ABHD18: variants seen among roughly 807,000 people sequenced by gnomAD.
ABHD18 encodes abhydrolase domain containing 18.
ABHD18 carries 55 observed loss-of-function variants against 65.9 expected under a neutral mutation model. The observed-to-expected ratio is 0.84, with a 90% CI of 0.67 to 1.05. ABHD18 has a LOEUF of 1.05. Among genes scored for constraint, ABHD18 ranks in the 50% least tolerant of loss-of-function variants. ABHD18 has a pLI of 0.00. For synonymous variants in ABHD18, 181 were observed against 180.2 expected (o/e 1.00, Z -0.04); for missense variants, 533 against 558.5 (o/e 0.95, Z 0.46).
Position 127,966,702 on chromosome 4 carries a change from C to CAAAAAAAAAAAAA in ABHD18, c.-18+1120_-18+1132dup, listed in dbSNP as rs70966065. On this transcript the variant is annotated intron_variant, in intron 1 of 12. Transcript: ENST00000645843. ...TGAAACCCCGTCTCTACTAAAAATA[C>CAAAAAAAAAAAAA]AAAAAAAAAAAAAAAAAAAAAAAAA... is the stretch of plus-strand genomic sequence containing the variant. Among the ~76,000 whole-genome samples the CAAAAAAAAAAAAA allele has an allele frequency of 3.2e-4, 7 of 21,540 alleles. 3 individuals carry two copies. The highest frequency in any genetic ancestry group is 4.1e-4 in the Non-Finnish European group (5 of 12,288). The allele number at this position is 21,540 out of a possible 152,430, so 14.1% of individuals were successfully genotyped here. A position where few individuals can be genotyped will look rare whatever the true frequency, so the allele number is the denominator to read the frequency against.
intron 7 of ABHD18, 72 bp from the exon 8 acceptor site, chr4:128,017,291 T>C (rs1388479451): frequency 7.8e-6 from 11 of 1,416,400 alleles, no homozygotes; most frequent in Non-Finnish European, 8.8e-6. Context: ...TCTGGCAGCC[T>C]GTTGTAAATT....
intron 4 of ABHD18, among the ~76,000 whole-genome samples, chr4:128,002,688 C>T (rs962601741): frequency 1.4e-4 from 22 of 152,038 alleles, no homozygotes; most frequent in Non-Finnish European, 3.2e-4. Flanking sequence ...CTGTCACCCA[C>T]GCTGGAGTAC....
chr4:128,021,206 G>C lies in ABHD18; in HGVS notation c.769G>C (p.Glu257Gln), dbSNP rs1756442899. The C allele has an allele frequency of 6.5e-7, 1 of 1,547,088 alleles. No homozygotes were observed. Among genetic ancestry groups the C allele is most frequent in the Admixed American group, 2.0e-5 (1 of 50,916 alleles). The change falls in exon 10 of 13, where the codon GAA becomes CAA. Residue 257 changes from glutamate (E) to glutamine (Q), a missense_variant. Glu to Gln is a conservative substitution (Grantham distance 29). This residue lies in a region of ABHD18 where 309 missense variants were observed against 313.5 expected (regional missense o/e 0.99). Transcript: ENST00000645843. Reference sequence around the variant, plus strand: ...ATATTATACCCAGACAGTTTATGAAGAAGAAATTATTCACATGCTTGAATA... The same window carrying C: ...ATATTATACCCAGACAGTTTATGAACAAGAAATTATTCACATGCTTGAATA... ...KQYYTQTVYE[E>Q]EIIHMLEYCG...
intron 12 of ABHD18, among the ~76,000 whole-genome samples, chr4:128,031,852 C>G (rs766217032): frequency 6.6e-6 from 1 of 152,138 alleles, no homozygotes; most frequent in African/African-American, 2.4e-5. Flanking sequence ...ATTTGAGTCC[C>G]TATTGGTGAG....
chr4:128,021,335 A>C (rs1284939446), intron 10 of ABHD18, 97 bp downstream of exon 10: 14 of 699,564 alleles, frequency 2.0e-5, no homozygotes, highest in Non-Finnish European at 2.8e-5. Flanking sequence ...ATTTTTAAAA[A>C]CATAGCTGTA....
chr4:128,034,639 A>G (rs1304037284), intron 12 of ABHD18, among the ~76,000 whole-genome samples: 1 of 151,926 alleles, frequency 6.6e-6, no homozygotes, highest in Non-Finnish European at 1.5e-5. Context: ...AAATTTGTCT[A>G]TTCCTTTTCT....
intron 11 of ABHD18, among the ~76,000 whole-genome samples, chr4:128,030,293 C>G (rs1405035084): frequency 6.6e-6 from 1 of 152,162 alleles, no homozygotes; most frequent in Admixed American, 6.5e-5. Flanking sequence ...CACACCCACA[C>G]AAAAGAAATA....
intron 7 of ABHD18, among the ~76,000 whole-genome samples, chr4:128,012,752 T>C (rs574682691): frequency 1.4e-5 from 2 of 143,686 alleles, no homozygotes; most frequent in African/African-American, 2.6e-5. Flanking sequence ...GAGGGGAGAG[T>C]AGTACAAGAT....
intron 4 of ABHD18, among the ~76,000 whole-genome samples, chr4:128,003,280 A>T (rs1478564846): frequency 3.3e-5 from 5 of 151,796 alleles, no homozygotes; most frequent in African/African-American, 4.8e-5. Flanking sequence ...AGGCAGGAGA[A>T]TCACTTGAAC....
intron 10 of ABHD18, among the ~76,000 whole-genome samples, chr4:128,025,948 A>G (rs1757281794): frequency 6.6e-6 from 1 of 152,118 alleles, no homozygotes; most frequent in African/African-American, 2.4e-5. Context: ...ATGAGGTCAG[A>G]TTGAGACCAT....
intron 10 of ABHD18, among the ~76,000 whole-genome samples, chr4:128,023,060 C>A (rs890112889): frequency 2.6e-5 from 4 of 152,020 alleles, no homozygotes; most frequent in Non-Finnish European, 4.4e-5. Context: ...TGAGCCACCG[C>A]GCCCAGCAAT....
chr4:128,018,859 C>CA (rs1383583304), intron 8 of ABHD18, among the ~76,000 whole-genome samples: 2 of 151,656 alleles, frequency 1.3e-5, no homozygotes, highest in Admixed American at 1.3e-4. Context: ...ACTAAAAATA[C>CA]AAAAACTAGC....
chr4:128,033,520 T>C (rs1758495912), intron 12 of ABHD18, among the ~76,000 whole-genome samples: 1 of 147,294 alleles, frequency 6.8e-6, no homozygotes, highest in African/African-American at 2.5e-5. Context: ...GTTTCAAAGA[T>C]AGTCTTTTTT....
At chr4:128,014,558 A>G (rs1755157995) in intron 7 of ABHD18, among the ~76,000 whole-genome samples, 1 of 152,162 alleles carries the variant, frequency 6.6e-6, no homozygotes, top group African/African-American at 2.4e-5. Flanking sequence ...ATATTCTATC[A>G]CATACTGTAT....
chr4:128,035,314 G>T (rs1758763713), intron 12 of ABHD18, among the ~76,000 whole-genome samples: 1 of 152,146 alleles, frequency 6.6e-6, no homozygotes, highest in Admixed American at 6.6e-5. Context: ...TTTTCCGGTA[G>T]TGGTGGTAAA....
At position 128,009,005 on chromosome 4, in the gene ABHD18, C is replaced by G; in HGVS notation, c.357+7C>G. The G allele has an allele frequency of 6.2e-7, 1 of 1,606,908 alleles. No individual in the cohort carries two copies. The highest frequency in any genetic ancestry group is 8.5e-7 in the Non-Finnish European group (1 of 1,176,824). On this transcript the variant is annotated splice_region_variant and intron_variant, in intron 5 of 12. Coordinates refer to ENST00000645843, the MANE Select transcript of ABHD18 (RefSeq NM_001358451.3). ...TGCTGGAACAGGAGATCATGTAAGA[C>G]TTTATTATAATGCCTTAATCTCTAG... is the stretch of plus-strand genomic sequence containing the variant.
intron 1 of ABHD18, among the ~76,000 whole-genome samples, chr4:127,970,028 C>T (rs1156273768): frequency 4.0e-5 from 6 of 151,850 alleles, no homozygotes; most frequent in Non-Finnish European, 7.4e-5. Flanking sequence ...GGATTACAAT[C>T]ATGAGCCACT....
At chr4:127,966,719 A>T (rs974732035) in intron 1 of ABHD18, among the ~76,000 whole-genome samples, 3 of 137,518 alleles carry the variant, frequency 2.2e-5, no homozygotes, top group African/African-American at 8.7e-5. Context: ...AAAAAAAAAA[A>T]AAAAAAAAAA....
At chr4:128,033,878 T>C (rs1431387833) in intron 12 of ABHD18, among the ~76,000 whole-genome samples, 1 of 151,806 alleles carries the variant, frequency 6.6e-6, no homozygotes, top group Non-Finnish European at 1.5e-5. Context: ...AGGATATGGT[T>C]AGTTGAACAA....
Sources: allele counts gnomAD v4.1 joint callset (sites outside exome capture counted in the v4.1 genomes callset), GRCh38; gene constraint gnomAD v4.1.1; regional missense constraint gnomAD v4.1.1; transcripts MANE v1.5; gene names NCBI Gene and HGNC (gene_info 2026-07-23, HGNC 2026-07-21).